ATM: variants seen among roughly 807,000 people sequenced by gnomAD.
The protein encoded by ATM is ATM serine/threonine kinase, also known as serine-protein kinase ATM.
Under a neutral mutation model 387.0 loss-of-function variants are expected in ATM, and 308 were observed. The observed-to-expected ratio is 0.80, with a 90% CI of 0.73 to 0.87. The LOEUF is 0.87. ATM is among the 40% of genes least tolerant of loss of function. The pLI is 0.00. For synonymous variants in ATM, 1,156 were observed against 1,187.3 expected (o/e 0.97, Z 0.54); for missense variants, 3,312 against 3,560.9 (o/e 0.93, Z 1.78).
intron 61 of ATM, among the ~76,000 whole-genome samples, chr11:108,357,620 C>T (rs573783708): frequency 1.3e-5 from 2 of 152,292 alleles, no homozygotes; most frequent in South Asian, 2.1e-4. Context: ...ACTGCCTCCT[C>T]AAGTGGGTTC....
At chr11:108,290,827 A>T (rs776046450) in intron 29 of ATM, among the ~76,000 whole-genome samples, 64 of 130,858 alleles carry the variant, frequency 4.9e-4, no homozygotes, top group African/African-American at 1.7e-3. Flanking sequence ...TCACTCAATT[A>T]AAAAAAAAAA....
chr11:108,257,660 C>T (rs2080591806), intron 15 of ATM, 54 bp downstream of exon 15: 1 of 1,565,254 alleles, frequency 6.4e-7, no homozygotes, highest in South Asian at 1.1e-5. Flanking sequence ...TTCTCTGTCA[C>T]CCAGGCTGGA....
Position 108,248,942 on chromosome 11 carries a change from G to GTGT in ATM, c.1075_1076insTGT (p.Glu359delinsValTer). On this transcript the variant is annotated stop_gained and protein_altering_variant, in exon 9 of 63. Coordinates refer to ENST00000675843, the MANE Select transcript of ATM (RefSeq NM_000051.4). LOFTEE classifies it high-confidence loss of function. ...TATTTTTATTTTACAGGTTTTTAAT[G>GTGT]AAGATACCAGATCCTTGGAGATTTC... is the stretch of plus-strand genomic sequence containing the variant. 6.3e-7 allele frequency: 1 copy of GTGT among 1,597,624 alleles called. No homozygotes were observed. Among genetic ancestry groups the GTGT allele is most frequent in the African/African-American group, 1.4e-5 (1 of 74,030 alleles).
rs1057521666 is a variant in ATM at position 108,325,298 on chromosome 11, C to A, written c.6573-12C>A. 1 of 1,060,956 alleles carries A rather than the reference C, an allele frequency of 9.4e-7. No homozygotes were observed. The highest frequency in any genetic ancestry group is 1.4e-6 in the Non-Finnish European group (1 of 723,220). The allele number at this position is 1,060,956 out of a possible 1,614,324, so 65.7% of individuals were successfully genotyped here. ...TCTCTTGCTTACATGAACTCTATGT[C>A]GTGGCATTCAGATCAGTCACACATA... On this transcript the variant is annotated splice_polypyrimidine_tract_variant and intron_variant, in intron 45 of 62. Coordinates refer to ENST00000675843, the MANE Select transcript of ATM (RefSeq NM_000051.4).
At chr11:108,325,134 G>T (rs1391580937) in intron 45 of ATM, among the ~76,000 whole-genome samples, 176 bp from the exon 46 acceptor site, 1 of 151,572 alleles carries the variant, frequency 6.6e-6, no homozygotes, top group East Asian at 1.9e-4. Context: ...ATAGCATTTT[G>T]TAGTTTTCTA....
intron 5 of ATM, among the ~76,000 whole-genome samples, chr11:108,237,789 A>G (rs1591481175): frequency 1.3e-5 from 2 of 151,268 alleles, no homozygotes; most frequent in East Asian, 3.9e-4. Context: ...TCTTGCTGGG[A>G]TTTTGATACT....
chr11:108,339,748 C>T (rs1209753531), intron 56 of ATM, among the ~76,000 whole-genome samples: 2 of 152,086 alleles, frequency 1.3e-5, no homozygotes, highest in African/African-American at 2.4e-5. Context: ...CCCCTCCCCG[C>T]CCCAGAGCTA....
intron 24 of ATM, among the ~76,000 whole-genome samples, chr11:108,282,018 T>C (rs1259275697): frequency 1.3e-5 from 2 of 152,066 alleles, no homozygotes; most frequent in Admixed American, 6.6e-5. Flanking sequence ...CAAGCTGGAG[T>C]GCGGTGATGT....
intron 16 of ATM, among the ~76,000 whole-genome samples, chr11:108,259,329 A>T (rs1458593810): frequency 1.3e-5 from 2 of 152,124 alleles, no homozygotes; most frequent in African/African-American, 4.8e-5. Context: ...CTCTACTAAA[A>T]ATACTAAAAA....
chr11:108,352,102 A>C (rs2089279757), intron 59 of ATM, among the ~76,000 whole-genome samples: 1 of 152,230 alleles, frequency 6.6e-6, no homozygotes, highest in African/African-American at 2.4e-5. Context: ...TAAAAGGTGT[A>C]GGTGTCAATT....
chr11:108,338,923 T>C (rs1441307328), intron 56 of ATM, among the ~76,000 whole-genome samples: 2 of 152,072 alleles, frequency 1.3e-5, no homozygotes. Flanking sequence ...ATCTGTAGAG[T>C]CATTCCCAAT....
chr11:108,252,972 T>C lies in ATM; in HGVS notation c.1898+60T>C, dbSNP rs1029143791. ...GCTATAGCTTTAATTACAAAGATGA[T>C]AATTTTAGCTGGGTAGTAGCTGCAT... On this transcript the variant is annotated intron_variant, in intron 12 of 62. Coordinates refer to ENST00000675843, the MANE Select transcript of ATM (RefSeq NM_000051.4). The C allele has an allele frequency of 1.1e-4, 161 of 1,417,190 alleles. 1 individual carries two copies. The highest frequency in any genetic ancestry group is 2.6e-4 in the South Asian group (22 of 83,936). 87.8% of individuals were successfully genotyped at this position (1,417,190 alleles called of 1,614,324 possible). A position where few individuals can be genotyped will look rare whatever the true frequency, so the allele number is the denominator to read the frequency against.
rs1555104548 is a variant in ATM at position 108,299,742 on chromosome 11, G to C, written c.5034G>C (p.Val1678=). 2.5e-6 allele frequency: 4 copies of C among 1,613,830 alleles called. No individual in the cohort carries two copies. Among genetic ancestry groups the C allele is most frequent in the Non-Finnish European group, 3.4e-6 (4 of 1,179,888 alleles). Residue 1678 remains valine, a synonymous_variant, in exon 34 of 63, where the codon GTG becomes GTC. Transcript: ENST00000675843. ...CTGTTGGAAGCTGCTTGGGAGAAGT[G>C]GGTCCTATAGATTTCTCTACCATAG... is the stretch of plus-strand genomic sequence containing the variant. The part of the protein sequence containing the change: ...LEAVGSCLGE[V]GPIDFSTIAI...
At position 108,292,616 on chromosome 11, in the gene ATM, T is replaced by C. The variant is rs1555099722; in HGVS notation, c.4437-3T>C. On this transcript the variant is annotated splice_polypyrimidine_tract_variant and splice_region_variant and intron_variant, in intron 29 of 62. Transcript: ENST00000675843. ...TTGTTGTTTTTTTTTCTCCCTATAT[T>C]AGGCCTTCTTGTATCATGGATGTGT... 1 of 1,613,760 alleles carries C rather than the reference T, an allele frequency of 6.2e-7. No individual in the cohort carries two copies. Among genetic ancestry groups the C allele is most frequent in the Non-Finnish European group, 8.5e-7 (1 of 1,179,808 alleles).
At chr11:108,335,166 T>C in intron 55 of ATM, 57 bp downstream of exon 55, 1 of 1,611,266 alleles carries the variant, frequency 6.2e-7, no homozygotes, top group Non-Finnish European at 8.5e-7. Context: ...AAATTTTTAG[T>C]TCATATTTTC....
chr11:108,302,237 C>G lies in ATM; in HGVS notation c.5319+448C>G, dbSNP rs1179579376. Reference sequence around the variant, plus strand: ...TCCATGTTGATATCGTAATAAGGTTCCACTGTAAGTATTCTGTGAAGCATG... The same window carrying G: ...TCCATGTTGATATCGTAATAAGGTTGCACTGTAAGTATTCTGTGAAGCATG... On this transcript the variant is annotated intron_variant, in intron 35 of 62. Transcript: ENST00000675843. Among the ~76,000 whole-genome samples the G allele has an allele frequency of 2.0e-5, 3 of 152,180 alleles. No homozygotes were observed. The East Asian group carries it at 5.8e-4, about 29-fold the overall frequency.
At chr11:108,314,866 T>A (rs1410049050) in intron 40 of ATM, among the ~76,000 whole-genome samples, 4 of 152,234 alleles carry the variant, frequency 2.6e-5, no homozygotes, top group Non-Finnish European at 5.9e-5. Flanking sequence ...GTACTGTGTT[T>A]ATCAATACCG....
chr11:108,321,715 C>G (rs2085240078), intron 45 of ATM, among the ~76,000 whole-genome samples: 1 of 151,318 alleles, frequency 6.6e-6, no homozygotes, highest in Admixed American at 6.6e-5. Flanking sequence ...CCCAGCACAA[C>G]AGGCAGAGGT....
chr11:108,244,113 T>C lies in ATM; in HGVS notation c.657T>C (p.Cys219=), dbSNP rs2235003. 4.9e-3 allele frequency: 7,901 copies of C among 1,613,746 alleles called. 357 individuals are homozygous for C. The African/African-American group carries it at 0.092, about 19-fold the overall frequency. The change falls in exon 6 of 63, where the codon TGT becomes TGC. Residue 219 remains cysteine (C), a synonymous_variant. Transcript: ENST00000675843. Reference sequence around the variant, plus strand: ...ACTTTTTTTCCAAGGCTATTCAGTGTGCGAGGTAATCTAATCTCTTTTTCT... The same window carrying C: ...ACTTTTTTTCCAAGGCTATTCAGTGCGCGAGGTAATCTAATCTCTTTTTCT... The part of the protein sequence containing the change: ...FLDFFSKAIQ[C]ARQEKSSSGL...
Sources: gnomAD v4.1 joint callset for allele counts (sites outside exome capture counted in the v4.1 genomes callset) on GRCh38, gnomAD v4.1.1 for gene constraint, MANE v1.5 for transcripts, NCBI Gene and HGNC (gene_info 2026-07-23, HGNC 2026-07-21) for gene names.